The following PRDM16 variants were observed in gnomAD, a reference collection of about 807,000 sequenced individuals.
The protein encoded by PRDM16 is histone-lysine N-methyltransferase PRDM16.
In PRDM16, 23 loss-of-function variants were observed where a neutral mutation model predicts 110.6. The ratio of observed to expected loss-of-function variants is 0.21; its 90% CI spans 0.15 to 0.29. PRDM16 has a LOEUF of 0.29. PRDM16 is among the 10% of genes least tolerant of loss of function. The pLI is 1.00. For synonymous variants in PRDM16, 799 were observed against 781.8 expected (o/e 1.02, Z -0.37); for missense variants, 1,615 against 1,794.3 (o/e 0.90, Z 1.81).
chr1:3,168,886 C>T (rs905494170), intron 1 of PRDM16, among the ~76,000 whole-genome samples: 1 of 152,186 alleles, frequency 6.6e-6, no homozygotes, highest in African/African-American at 2.4e-5. Flanking sequence ...GCCTACCGAG[C>T]CTACTCCTGG....
At chr1:3,322,321 G>C (rs140330391) in intron 3 of PRDM16, among the ~76,000 whole-genome samples, 1 of 152,256 alleles carries the variant, frequency 6.6e-6, no homozygotes, top group East Asian at 1.9e-4. Flanking sequence ...CGGAATAAAC[G>C]GGCTGTTGAT....
At chr1:3,412,948 G>A (rs1019842306) in intron 9 of PRDM16, 148 bp downstream of exon 9, 4 of 683,854 alleles carry the variant, frequency 5.8e-6, no homozygotes, top group African/African-American at 5.7e-5. Flanking sequence ...CCTGTTCTTG[G>A]GGGGGTCTGC....
At chr1:3,428,491 G>A (rs1302967763) in intron 14 of PRDM16, among the ~76,000 whole-genome samples, 8 of 152,340 alleles carry the variant, frequency 5.3e-5, no homozygotes, top group African/African-American at 1.9e-4. Context: ...GCCTCAGACG[G>A]ACTCAGACTC....
In PRDM16 at chr1:3,206,719, G is replaced by C. The variant is rs1288970097; in HGVS notation, c.387+20245G>C. 1 of 152,322 alleles carries C rather than the reference G, an allele frequency of 6.6e-6. No individual in the cohort carries two copies. Among genetic ancestry groups the C allele is most frequent in the African/African-American group, 2.4e-5 (1 of 41,462 alleles). 9.4% of individuals were successfully genotyped at this position (152,322 alleles called of 1,614,324 possible). On this transcript the variant is annotated intron_variant, in intron 2 of 16. Transcript: ENST00000270722. The surrounding 1 kb of genome is among the most constrained non-coding windows in gnomAD (Gnocchi z 4.9). Reference sequence around the variant, plus strand: ...CTTCCCAGATGTGGCATCTGAGCAAGAGGGGCAGAGCGAGGCTGGCATGAC... The same window carrying C: ...CTTCCCAGATGTGGCATCTGAGCAACAGGGGCAGAGCGAGGCTGGCATGAC...
chr1:3,172,178 C>T (rs2651936), intron 1 of PRDM16, among the ~76,000 whole-genome samples: 117,828 of 152,062 alleles, frequency 0.77, 47,118 homozygotes, highest in Non-Finnish European at 0.86. Context: ...GCAGGGCATA[C>T]GGCTCTGAAC....
chr1:3,315,705 G>GAA (rs141068503), intron 3 of PRDM16, among the ~76,000 whole-genome samples: 5,006 of 152,144 alleles, frequency 0.033, 254 homozygotes, highest in African/African-American at 0.11. Context: ...CTCCATGAAG[G>GAA]AAAGCCGATC....
At chr1:3,325,957 C>T (rs967165759) in intron 3 of PRDM16, among the ~76,000 whole-genome samples, 12 of 147,142 alleles carry the variant, frequency 8.2e-5, no homozygotes, top group Non-Finnish European at 1.2e-4. Context: ...CCATCCTCGA[C>T]GATCCTTGGT....
intron 3 of PRDM16, among the ~76,000 whole-genome samples, chr1:3,336,159 A>G (rs1240232798): frequency 6.6e-6 from 1 of 152,224 alleles, no homozygotes; most frequent in Non-Finnish European, 1.5e-5. Flanking sequence ...ATTCAGGCTT[A>G]CTGACCTGCC....
intron 1 of PRDM16, among the ~76,000 whole-genome samples, chr1:3,149,578 G>C (rs756436655): frequency 8.5e-5 from 13 of 152,202 alleles, no homozygotes; most frequent in Non-Finnish European, 1.5e-4. Context: ...CCCAGCTGAC[G>C]GAGGCCAGGA....
intron 1 of PRDM16, among the ~76,000 whole-genome samples, chr1:3,145,587 C>T (rs1016893735): frequency 1.3e-5 from 2 of 152,164 alleles, no homozygotes; most frequent in Non-Finnish European, 1.5e-5. Flanking sequence ...CGTGGTGCAG[C>T]AGTGAAATTC....
intron 3 of PRDM16, among the ~76,000 whole-genome samples, chr1:3,261,134 A>AG (rs1031112249): frequency 6.6e-6 from 1 of 151,010 alleles, no homozygotes; most frequent in African/African-American, 2.4e-5. Context: ...CAAGAAAAAA[A>AG]AAAAAAAACA....
chr1:3,358,416 G>A lies in PRDM16; in HGVS notation c.439-26736G>A, dbSNP rs934959416. On this transcript the variant is annotated intron_variant, in intron 3 of 16. Coordinates refer to ENST00000270722, the MANE Select transcript of PRDM16 (RefSeq NM_022114.4). This position sits in a 1 kb window ranked among gnomAD's most constrained non-coding sequence, Gnocchi z 4.0. ...GGGACTGATGGCAAAAGACCTCGGC[G>A]GGTACAGAAAATCTCCCACAGTGGA... Among the ~76,000 whole-genome samples the A allele has an allele frequency of 3.3e-5, 5 of 152,162 alleles. No homozygotes were observed. Among genetic ancestry groups the A allele is most frequent in the Non-Finnish European group, 7.3e-5 (5 of 68,030 alleles).
intron 3 of PRDM16, among the ~76,000 whole-genome samples, chr1:3,366,045 G>A (rs1341929042): frequency 6.6e-6 from 1 of 152,186 alleles, no homozygotes; most frequent in Non-Finnish European, 1.5e-5. Flanking sequence ...TGCCACATAC[G>A]CACAGAACTG....
intron 6 of PRDM16, among the ~76,000 whole-genome samples, chr1:3,403,414 G>A (rs1643507874): frequency 6.6e-6 from 1 of 152,248 alleles, no homozygotes; most frequent in South Asian, 2.1e-4. Flanking sequence ...CGGGATGGGG[G>A]TGGCAGCACC....
intron 3 of PRDM16, among the ~76,000 whole-genome samples, chr1:3,250,082 C>T (rs886774531): frequency 2.6e-5 from 4 of 152,148 alleles, no homozygotes; most frequent in African/African-American, 9.7e-5. Flanking sequence ...GGGGACCAGC[C>T]CAGGTGCCTG....
In PRDM16 at chr1:3,431,992, T is replaced by C; in HGVS notation, c.3548T>C (p.Leu1183Pro). Residue 1183 changes from leucine to proline, a missense_variant, in exon 16 of 17, where the codon CTG becomes CCG. Transcript: ENST00000270722. ...RRCAEDHEGGLLALEPMPTFG... is the reference protein window; with the variant it reads ...RRCAEDHEGGPLALEPMPTFG... The stretch of plus-strand genomic sequence containing the variant: ...TGTGCTGAGGACCACGAAGGCGGTC[T>C]GTTAGCTTTGGAGCCGATGCCGACT... The C allele has an allele frequency of 5.6e-6, 9 of 1,613,836 alleles. No individual in the cohort carries two copies. The highest frequency in any genetic ancestry group is 7.6e-6 in the Non-Finnish European group (9 of 1,180,000).
chr1:3,324,973 G>C (rs1019315012), intron 3 of PRDM16, among the ~76,000 whole-genome samples: 2 of 152,178 alleles, frequency 1.3e-5, no homozygotes, highest in East Asian at 3.9e-4. Context: ...ATGCACGCGA[G>C]GGGCTGAGCA....
chr1:3,230,600 C>A (rs1012096369), intron 2 of PRDM16, among the ~76,000 whole-genome samples: 4 of 152,232 alleles, frequency 2.6e-5, no homozygotes, highest in African/African-American at 9.6e-5. Context: ...AATGAACAGC[C>A]GTTTCAGACT....
intron 3 of PRDM16, among the ~76,000 whole-genome samples, chr1:3,362,769 T>TC (rs1470290546): frequency 2.0e-5 from 3 of 151,294 alleles, no homozygotes; most frequent in Admixed American, 2.0e-4. Flanking sequence ...GATCCTAAAA[T>TC]CCCCCCCGTG....
Sources: allele counts gnomAD v4.1 joint callset (sites outside exome capture counted in the v4.1 genomes callset), GRCh38; gene constraint gnomAD v4.1.1; non-coding constraint Gnocchi (gnomAD v3.1); transcripts MANE v1.5; gene names NCBI Gene and HGNC (gene_info 2026-07-23, HGNC 2026-07-21).